The following LRP2 variants were observed in gnomAD, a reference collection of about 807,000 sequenced individuals.
LRP2 encodes LDL receptor related protein 2.
Under a neutral mutation model 531.0 loss-of-function variants are expected in LRP2, and 172 were observed. That is an observed-to-expected ratio of 0.32 (90% CI 0.29 to 0.37). LRP2 has a LOEUF of 0.37. LRP2 is among the 10% of genes least tolerant of loss of function. LRP2 has a pLI of 1.00. For missense variants in LRP2, 5,167 were observed against 5,868.3 expected, an observed-to-expected ratio of 0.88 and a Z score of 3.90; for synonymous variants, 1,992 against 2,027.6, an observed-to-expected ratio of 0.98 and a Z score of 0.47.
At chr2:169,165,107 G>A (rs1274914160) in intron 62 of LRP2, among the ~76,000 whole-genome samples, 3 of 152,208 alleles carry the variant, frequency 2.0e-5, no homozygotes, top group East Asian at 3.8e-4. Context: ...TGGGATGGGG[G>A]CTGGAAGTAA....
chr2:169,353,838 A>C (rs1296595287), intron 1 of LRP2, among the ~76,000 whole-genome samples: 1 of 152,112 alleles, frequency 6.6e-6, no homozygotes, highest in East Asian at 1.9e-4. Flanking sequence ...AAAAAATATA[A>C]AAATTAACTG....
chr2:169,353,827 C>CA (rs1685919916), intron 1 of LRP2, among the ~76,000 whole-genome samples: 2 of 152,048 alleles, frequency 1.3e-5, no homozygotes, highest in Admixed American at 1.3e-4. Context: ...CTCATCTCTA[C>CA]AAAAAATATA....
intron 16 of LRP2, among the ~76,000 whole-genome samples, chr2:169,263,796 C>T (rs535542127): frequency 0.019 from 2,832 of 152,072 alleles, 50 homozygotes; most frequent in Middle Eastern, 0.037. Context: ...CACATGCACA[C>T]GTATGTTTAT....
At chr2:169,182,029 C>A (rs1407895282) in intron 51 of LRP2, 138 bp downstream of exon 51, 4 of 1,095,724 alleles carry the variant, frequency 3.7e-6, no homozygotes, top group Non-Finnish European at 5.5e-6. Flanking sequence ...TTACACTAAA[C>A]AATTTACCAA....
At chr2:169,149,312 C>T (rs1461242603) in intron 68 of LRP2, among the ~76,000 whole-genome samples, 1 of 152,208 alleles carries the variant, frequency 6.6e-6, no homozygotes, top group Non-Finnish European at 1.5e-5. Context: ...TTTGGACCCA[C>T]TGGCAGATCT....
intron 25 of LRP2, among the ~76,000 whole-genome samples, chr2:169,240,467 A>T (rs1405690983): frequency 1.3e-5 from 2 of 152,216 alleles, no homozygotes; most frequent in African/African-American, 4.8e-5. Context: ...CACAACACAT[A>T]TGAAATCATA....
rs555158152 is a variant in LRP2, at chr2:169,307,485, T to A, written c.311-88A>T. The A allele has an allele frequency of 2.5e-4, 208 of 830,836 alleles. 1 individual carries two copies. The African/African-American group carries it at 3.1e-3, about 13-fold the overall frequency. The allele number at this position is 830,836 out of a possible 1,614,324, so 51.5% of individuals were successfully genotyped here. The stretch of plus-strand genomic sequence containing the variant: ...TCATTAACAAGGATATTGGAAAGCA[T>A]AAAGTTCATAGGGACACAAGGTAAA... On this transcript the variant is annotated intron_variant, in intron 3 of 78. Transcript: ENST00000649046.
At chr2:169,178,131 G>C (rs749799259) in intron 52 of LRP2, 105 bp from the exon 53 acceptor site, 4 of 848,572 alleles carry the variant, frequency 4.7e-6, no homozygotes, top group Admixed American at 2.0e-5. Context: ...ACCTCCTAGA[G>C]ATAATATAAG....
chr2:169,221,134 T>C (rs1436783704), intron 33 of LRP2, among the ~76,000 whole-genome samples: 1 of 152,178 alleles, frequency 6.6e-6, no homozygotes, highest in Non-Finnish European at 1.5e-5. Context: ...TTCACCTCTT[T>C]GAACTTTATC....
At chr2:169,225,583 A>C (rs777259058) in intron 32 of LRP2, 130 bp from the exon 33 acceptor site, 7 of 1,057,776 alleles carry the variant, frequency 6.6e-6, no homozygotes, top group African/African-American at 1.6e-5. Flanking sequence ...GGAAAGGCAA[A>C]CAAAGGTTCA....
intron 75 of LRP2, 151 bp from the exon 76 acceptor site, chr2:169,137,644 A>C: frequency 1.0e-5 from 4 of 382,294 alleles, no homozygotes; most frequent in Non-Finnish European, 1.4e-5. Flanking sequence ...CCAAAAGAGA[A>C]CTTGCAAAAA....
Position 169,236,037 on chromosome 2 carries a change from G to A in LRP2, c.4723C>T (p.His1575Tyr). 1 of 1,614,036 alleles carries A rather than the reference G, an allele frequency of 6.2e-7. No homozygotes were observed. The highest frequency in any genetic ancestry group is 8.5e-7 in the Non-Finnish European group (1 of 1,179,956). Reference sequence around the variant, plus strand: ...CTGGCTCGCTCGATGCGAGGGTGGTGGCCCCAGTCAGACCAGAACAGTAGA... The same window carrying A: ...CTGGCTCGCTCGATGCGAGGGTGGTAGCCCCAGTCAGACCAGAACAGTAGA... ...EHLLFWSDWGHHPRIERASMD... is the reference protein window; with the variant it reads ...EHLLFWSDWGYHPRIERASMD... The change falls in exon 29 of 79, where the codon CAC becomes TAC. Residue 1575 changes from histidine to tyrosine, a missense_variant. Transcript: ENST00000649046.
rs115846598 is a variant in LRP2, at chr2:169,226,651, T to C, written c.5228-63A>G. On this transcript the variant is annotated intron_variant, in intron 31 of 78. Transcript: ENST00000649046. ...CACTATTCCCAGACATTTAGAGTAA[T>C]GGAAGGCAATAGCCTGTTACCATCA... is the stretch of plus-strand genomic sequence containing the variant. The C allele has an allele frequency of 2.1e-3, 2,600 of 1,243,888 alleles. 45 individuals carry two copies. In the African/African-American group the frequency reaches 0.034, roughly 16 times the overall value. 77.1% of individuals were successfully genotyped at this position (1,243,888 alleles called of 1,614,324 possible).
At chr2:169,224,186 A>G (rs1156280883) in intron 33 of LRP2, among the ~76,000 whole-genome samples, 1 of 152,236 alleles carries the variant, frequency 6.6e-6, no homozygotes, top group African/African-American at 2.4e-5. Flanking sequence ...ATCTTTCTGA[A>G]TGCTCCAGAG....
intron 50 of LRP2, among the ~76,000 whole-genome samples, chr2:169,182,937 TG>T (rs1687494876): frequency 6.6e-6 from 1 of 152,226 alleles, no homozygotes; most frequent in South Asian, 2.1e-4. Flanking sequence ...CTGTTATAAA[TG>T]TATTTTTATT....
intron 50 of LRP2, among the ~76,000 whole-genome samples, chr2:169,183,459 C>T (rs1267474354): frequency 6.6e-6 from 1 of 152,082 alleles, no homozygotes; most frequent in Non-Finnish European, 1.5e-5. Flanking sequence ...GGCCTCAGAC[C>T]AGGGACTTTT....
At chr2:169,345,875 A>G (rs1056337456) in intron 1 of LRP2, among the ~76,000 whole-genome samples, 2 of 152,156 alleles carry the variant, frequency 1.3e-5, no homozygotes, top group African/African-American at 4.8e-5. Flanking sequence ...AAACAAAACA[A>G]AACAAAACAA....
chr2:169,354,422 A>T (rs1685936474), intron 1 of LRP2, among the ~76,000 whole-genome samples: 1 of 152,238 alleles, frequency 6.6e-6, no homozygotes, highest in South Asian at 2.1e-4. Flanking sequence ...CAGTGGCTCA[A>T]CTATTCAATG....
At position 169,139,273 on chromosome 2, in the gene LRP2, G is replaced by C; in HGVS notation, c.13366C>G (p.Pro4456Ala). 6.2e-7 allele frequency: 1 copy of C among 1,614,140 alleles called. No homozygotes were observed. Among genetic ancestry groups the C allele is most frequent in the Non-Finnish European group, 8.5e-7 (1 of 1,180,002 alleles). The change falls in exon 74 of 79, where the codon CCT (proline) becomes GCT (alanine). Residue 4456 changes from proline to alanine, a missense_variant. This residue lies in a region of LRP2 where 348 missense variants were observed against 369.3 expected (regional missense o/e 0.94). Coordinates refer to ENST00000649046, the MANE Select transcript of LRP2 (RefSeq NM_004525.3). ...FHYRRTGSLL[P>A]ALPKLPSLSS... is the part of the protein sequence containing the mutation. ...GACCTTGGCAGCTTGGGCAGAGCAG[G>C]CAAAAGGGAGCCGGTCCTTCTATAG...
Sources: allele counts gnomAD v4.1 joint callset (sites outside exome capture counted in the v4.1 genomes callset), GRCh38; gene constraint gnomAD v4.1.1; regional missense constraint gnomAD v4.1.1; transcripts MANE v1.5; gene names NCBI Gene and HGNC (gene_info 2026-07-23, HGNC 2026-07-21).